SLC2A13: variants seen among roughly 807,000 people sequenced by gnomAD.
The protein encoded by SLC2A13 is solute carrier family 2 member 13.
In SLC2A13, 32 loss-of-function variants were observed where a neutral mutation model predicts 64.4. The observed-to-expected ratio is 0.50, with a 90% CI of 0.37 to 0.67. SLC2A13 has a LOEUF of 0.67. SLC2A13 is among the 30% of genes least tolerant of loss of function. The pLI is 0.00. For synonymous variants in SLC2A13, 338 were observed against 327.1 expected, an observed-to-expected ratio of 1.03 and a Z score of -0.36; for missense variants, 743 against 829.2, an observed-to-expected ratio of 0.90 and a Z score of 1.28.
chr12:39,878,064 G>C (rs1007819017), intron 4 of SLC2A13, among the ~76,000 whole-genome samples: 76 of 152,226 alleles, frequency 5.0e-4, no homozygotes, highest in Admixed American at 1.6e-3. Flanking sequence ...CATAATTGCA[G>C]GCTTCCTAAG....
chr12:40,066,881 CT>C lies in SLC2A13; in HGVS notation c.557-18672del, dbSNP rs915686903. Among the ~76,000 whole-genome samples, 9 of 152,186 alleles carry C rather than the reference CT, an allele frequency of 5.9e-5. No individual in the cohort carries two copies. In the East Asian group the frequency reaches 1.7e-3, roughly 29 times the overall value. The stretch of plus-strand genomic sequence containing the variant: ...GCTAAATCTCAAAGTTGACAAAAAG[CT>C]TTTTTTCTCAAATTATGAGATTTAA... On this transcript the variant is annotated intron_variant, in intron 1 of 9. Transcript: ENST00000280871.
At chr12:40,009,956 T>C (rs992994759) in intron 3 of SLC2A13, among the ~76,000 whole-genome samples, 3 of 152,204 alleles carry the variant, frequency 2.0e-5, no homozygotes, top group Non-Finnish European at 4.4e-5. Flanking sequence ...ATATTTTCTA[T>C]AAAAAACTTG....
chr12:39,775,294 G>A (rs1320297863), intron 7 of SLC2A13, among the ~76,000 whole-genome samples: 1 of 152,224 alleles, frequency 6.6e-6, no homozygotes, highest in Non-Finnish European at 1.5e-5. Context: ...TGAAAATGAA[G>A]TCTTAGGTAA....
chr12:39,956,307 G>A (rs1480027333), intron 3 of SLC2A13, among the ~76,000 whole-genome samples: 1 of 152,286 alleles, frequency 6.6e-6, no homozygotes, highest in South Asian at 2.1e-4. Flanking sequence ...TGTGGAGGGA[G>A]GAATTACAAA....
At chr12:39,835,448 T>C (rs1176348090) in intron 6 of SLC2A13, among the ~76,000 whole-genome samples, 3 of 152,118 alleles carry the variant, frequency 2.0e-5, no homozygotes, top group Non-Finnish European at 2.9e-5. Context: ...AAACTTTACA[T>C]TTATAAGAGA....
chr12:39,759,844 C>T lies in SLC2A13; in HGVS notation c.*182G>A. On this transcript the variant is annotated 3_prime_UTR_variant, in exon 10 of 10. Coordinates refer to ENST00000280871, the MANE Select transcript of SLC2A13 (RefSeq NM_052885.4). Reference sequence around the variant, plus strand: ...TGTAAATATTTTTTAAAATATTGTTCCTTGTGGAAAAAAAAAGTCATCATG... The same window carrying T: ...TGTAAATATTTTTTAAAATATTGTTTCTTGTGGAAAAAAAAAGTCATCATG... 3.6e-6 allele frequency: 2 copies of T among 556,960 alleles called. No individual in the cohort carries two copies. The highest frequency in any genetic ancestry group is 2.9e-5 in the East Asian group (1 of 34,432). 34.5% of individuals were successfully genotyped at this position (556,960 alleles called of 1,614,324 possible).
At chr12:39,875,943 C>T (rs1944173703) in intron 4 of SLC2A13, among the ~76,000 whole-genome samples, 1 of 152,176 alleles carries the variant, frequency 6.6e-6, no homozygotes, top group Non-Finnish European at 1.5e-5. Flanking sequence ...TGCACAAAGG[C>T]ATAAGGGAAC....
At chr12:39,811,994 C>T (rs1407149679) in intron 7 of SLC2A13, among the ~76,000 whole-genome samples, 2 of 152,036 alleles carry the variant, frequency 1.3e-5, no homozygotes, top group African/African-American at 4.8e-5. Context: ...TTATGGTTAT[C>T]TCATAAAAGA....
chr12:40,101,623 T>C (rs1211873094), intron 1 of SLC2A13, among the ~76,000 whole-genome samples: 3 of 152,230 alleles, frequency 2.0e-5, no homozygotes, highest in Non-Finnish European at 4.4e-5. Flanking sequence ...CATTATTTAC[T>C]GTTAAAAACC....
At chr12:39,942,915 T>C (rs1177563279) in intron 4 of SLC2A13, among the ~76,000 whole-genome samples, 2 of 152,198 alleles carry the variant, frequency 1.3e-5, no homozygotes, top group Non-Finnish European at 2.9e-5. Context: ...GTCTTTGATG[T>C]TGGTGACCTT....
At chr12:40,013,175 AT>A (rs145006138) in intron 3 of SLC2A13, among the ~76,000 whole-genome samples, 3 of 148,312 alleles carry the variant, frequency 2.0e-5, no homozygotes, top group Admixed American at 6.8e-5. Context: ...TTACAAAATG[AT>A]TTAAAAAAAA....
At chr12:39,971,507 G>A (rs1946645232) in intron 3 of SLC2A13, among the ~76,000 whole-genome samples, 1 of 152,118 alleles carries the variant, frequency 6.6e-6, no homozygotes, top group Non-Finnish European at 1.5e-5. Flanking sequence ...TTCAGAATCA[G>A]CCTGAGTCAT....
At chr12:40,047,396 T>A (rs531786694) in intron 2 of SLC2A13, among the ~76,000 whole-genome samples, 1 of 152,350 alleles carries the variant, frequency 6.6e-6, no homozygotes, top group African/African-American at 2.4e-5. Flanking sequence ...CTAATGCCTT[T>A]TAATAAAATT....
intron 7 of SLC2A13, among the ~76,000 whole-genome samples, chr12:39,810,951 G>T (rs1942139272): frequency 6.6e-6 from 1 of 151,970 alleles, no homozygotes; most frequent in Non-Finnish European, 1.5e-5. Context: ...AAAATGAGTT[G>T]GGAAATTTCC....
intron 3 of SLC2A13, among the ~76,000 whole-genome samples, chr12:40,019,166 C>T (rs554861652): frequency 9.9e-5 from 15 of 152,106 alleles, no homozygotes; most frequent in African/African-American, 2.9e-4. Context: ...CAGCAAGAAC[C>T]GAGAAGAGAA....
At position 39,942,900 on chromosome 12, in the gene SLC2A13, C is replaced by T. The variant is rs113366241; in HGVS notation, c.1034+8357G>A. The stretch of plus-strand genomic sequence containing the variant: ...TCCTCATCTTCATGGATTTATCTAC[C>T]TCTGGTCTTTGATGTTGGTGACCTT... On this transcript the variant is annotated intron_variant, in intron 4 of 9. Transcript: ENST00000280871. 2.6e-5 allele frequency among the ~76,000 whole-genome samples: 4 copies of T among 152,020 alleles called. 1 individual carries two copies. The highest frequency in any genetic ancestry group is 7.2e-5 in the African/African-American group (3 of 41,446).
At chr12:39,961,236 C>T (rs1333457275) in intron 3 of SLC2A13, among the ~76,000 whole-genome samples, 1 of 151,898 alleles carries the variant, frequency 6.6e-6, no homozygotes, top group Non-Finnish European at 1.5e-5. Context: ...CGCCACCACG[C>T]CCAGCTTATT....
chr12:40,064,582 C>T (rs1384236), intron 1 of SLC2A13, among the ~76,000 whole-genome samples: 144,500 of 152,212 alleles, frequency 0.95, 68,658 homozygotes, highest in African/African-American at 0.99. Flanking sequence ...ACAGTGTTCT[C>T]CTGCCTTCTT....
chr12:39,953,580 T>C (rs11564284), intron 3 of SLC2A13, among the ~76,000 whole-genome samples: 5,344 of 152,294 alleles, frequency 0.035, 148 homozygotes, highest in East Asian at 0.095. Flanking sequence ...AATGTCATGC[T>C]CTACTTAAAA....
Sources: allele counts gnomAD v4.1 joint callset (sites outside exome capture counted in the v4.1 genomes callset), GRCh38; gene constraint gnomAD v4.1.1; transcripts MANE v1.5; gene names NCBI Gene and HGNC (gene_info 2026-07-23, HGNC 2026-07-21).